Variants in ENG observed in about 807,000 individuals in gnomAD.
ENG encodes CD105 antigen.
In ENG, 17 loss-of-function variants were observed where a neutral mutation model predicts 71.0. That is an observed-to-expected ratio of 0.24 (90% CI 0.16 to 0.36). ENG has a LOEUF of 0.36. Among genes scored for constraint, ENG ranks in the 10% least tolerant of loss-of-function variants. The pLI is 1.00. For missense variants in ENG, 749 were observed against 868.3 expected, an observed-to-expected ratio of 0.86 and a Z score of 1.73; for synonymous variants, 360 against 366.9, an observed-to-expected ratio of 0.98 and a Z score of 0.21.
At chr9:127,849,542 T>C (rs1831243628) in intron 1 of ENG, among the ~76,000 whole-genome samples, 1 of 152,030 alleles carries the variant, frequency 6.6e-6, no homozygotes, top group Non-Finnish European at 1.5e-5. Context: ...ATAGGACATA[T>C]TCTAAGTTCT....
At chr9:127,845,935 T>C (rs992412839) in intron 1 of ENG, among the ~76,000 whole-genome samples, 1 of 152,194 alleles carries the variant, frequency 6.6e-6, no homozygotes, top group Non-Finnish European at 1.5e-5. Context: ...CTCAAACTCC[T>C]GAGCTCAAGC....
At chr9:127,816,095 GCCCCAT>G in intron 13 of ENG, 42 bp from the exon 14 acceptor site, 7 of 1,593,352 alleles carry the variant, frequency 4.4e-6, no homozygotes, top group Non-Finnish European at 6.0e-6. Flanking sequence ...CTCTGCCCCT[GCCCCAT>G]CCCCTACCCT....
Position 127,824,250 on chromosome 9 carries a change from G to A in ENG, c.1134+54C>T, listed in dbSNP as rs543428700. On this transcript the variant is annotated intron_variant, in intron 8 of 14. Coordinates refer to ENST00000373203, the MANE Select transcript of ENG (RefSeq NM_001114753.3). ...AGGACCCCAAGAGTCTTGGGCTAGG[G>A]GAGGAACCAGATGTCCATGTCATCC... 1.2e-4 allele frequency: 198 copies of A among 1,613,666 alleles called. No homozygotes were observed. In the East Asian group the frequency reaches 4.2e-3, roughly 35 times the overall value.
chr9:127,846,928 G>A lies in ENG; in HGVS notation c.68-3683C>T, dbSNP rs1475297530. The A allele has an allele frequency of 3.0e-6, 3 of 985,410 alleles. No homozygotes were observed. Among genetic ancestry groups the A allele is most frequent in the African/African-American group, 1.7e-5 (1 of 57,214 alleles). 61.0% of individuals were successfully genotyped at this position (985,410 alleles called of 1,614,324 possible). ...CACAGCACCTCCCAGATTTCCAGAG[G>A]GCTACCTTCAGCACCTTGGAGGATG... On this transcript the variant is annotated intron_variant, in intron 1 of 14. Transcript: ENST00000373203. This position sits in a 1 kb window ranked among gnomAD's most constrained non-coding sequence, Gnocchi z 5.5.
chr9:127,819,083 GC>G (rs1797804352), intron 10 of ENG, among the ~76,000 whole-genome samples: 3 of 151,936 alleles, frequency 2.0e-5, no homozygotes, highest in African/African-American at 7.2e-5. Context: ...GATTACAGGT[GC>G]CCGCCACCAC....
At position 127,836,653 on chromosome 9, in the gene ENG, G is replaced by A. The variant is rs868525419; in HGVS notation, c.219+6441C>T. ...GGCTCAGTCATTAGCCTGTGACCTT[G>A]GACAGTCACTATGCCTCTCTGGGCC... is the stretch of plus-strand genomic sequence containing the variant. On this transcript the variant is annotated intron_variant, in intron 2 of 14. Coordinates refer to ENST00000373203, the MANE Select transcript of ENG (RefSeq NM_001114753.3). The surrounding 1 kb of genome is among the most constrained non-coding windows in gnomAD (Gnocchi z 4.0). 3.3e-5 allele frequency among the ~76,000 whole-genome samples: 5 copies of A among 152,362 alleles called. No individual in the cohort carries two copies. Among genetic ancestry groups the A allele is most frequent in the Middle Eastern group, 3.4e-3 (1 of 294 alleles).
At chr9:127,824,200 C>T (rs992285787) in intron 8 of ENG, 104 bp downstream of exon 8, 38 of 1,537,576 alleles carry the variant, frequency 2.5e-5, no homozygotes, top group Non-Finnish European at 3.1e-5. Context: ...TGCAGAGGGA[C>T]GTGACTTGCC....
rs564392930 is a variant in ENG at position 127,821,355 on chromosome 9, T to C, written c.1135-1318A>G. The C allele has an allele frequency of 4.2e-4, 64 of 151,730 alleles. No homozygotes were observed. In the South Asian group the frequency reaches 0.013, roughly 31 times the overall value. The allele number at this position is 151,730 out of a possible 1,614,324, so 9.4% of individuals were successfully genotyped here. A position where few individuals can be genotyped will look rare whatever the true frequency, so the allele number is the denominator to read the frequency against. On this transcript the variant is annotated intron_variant, in intron 8 of 14. Transcript: ENST00000373203. Reference sequence around the variant, plus strand: ...CTGAGGCACAAGAATCGCTTGAACCTGAGAGGAGGAGGCTGCAGTGAGCCG... The same window carrying C: ...CTGAGGCACAAGAATCGCTTGAACCCGAGAGGAGGAGGCTGCAGTGAGCCG...
Position 127,819,893 on chromosome 9 carries a change from C to G in ENG, c.1272+7G>C. 6.2e-7 allele frequency: 1 copy of G among 1,614,232 alleles called. No individual in the cohort carries two copies. Among genetic ancestry groups the G allele is most frequent in the Non-Finnish European group, 8.5e-7 (1 of 1,180,046 alleles). On this transcript the variant is annotated splice_region_variant and intron_variant, in intron 9 of 14. Coordinates refer to ENST00000373203, the MANE Select transcript of ENG (RefSeq NM_001114753.3). Reference sequence around the variant, plus strand: ...GGTCCTGATACCTTTTTGGCCCCAGCTCTTACCTCATTGCTGATCATACTT... The same window carrying G: ...GGTCCTGATACCTTTTTGGCCCCAGGTCTTACCTCATTGCTGATCATACTT...
At chr9:127,829,303 T>C (rs1043725935) in intron 3 of ENG, among the ~76,000 whole-genome samples, 1 of 152,200 alleles carries the variant, frequency 6.6e-6, no homozygotes, top group African/African-American at 2.4e-5. Context: ...GCCCTTTTCC[T>C]CTGTCTTTAA....
intron 1 of ENG, among the ~76,000 whole-genome samples, chr9:127,851,549 CA>C (rs1369117269): frequency 3.3e-5 from 5 of 151,846 alleles, no homozygotes; most frequent in African/African-American, 1.2e-4. Flanking sequence ...CAAAAGAAAA[CA>C]AAAAAACCCA....
chr9:127,817,902 G>C, intron 12 of ENG: 1 of 634,396 alleles, frequency 1.6e-6, no homozygotes, highest in East Asian at 2.8e-5. Context: ...AGTGGCAGCT[G>C]CATAGTCTGC....
intron 1 of ENG, among the ~76,000 whole-genome samples, chr9:127,848,742 C>A (rs2131928576): frequency 6.6e-6 from 1 of 152,284 alleles, no homozygotes; most frequent in Middle Eastern, 3.4e-3. Flanking sequence ...TCTGCACTCC[C>A]AGCAGACAGT....
intron 1 of ENG, among the ~76,000 whole-genome samples, chr9:127,853,105 C>T (rs1362232290): frequency 6.6e-6 from 1 of 152,176 alleles, no homozygotes; most frequent in Non-Finnish European, 1.5e-5. Flanking sequence ...CGCCCTATCA[C>T]ACCTTACTAG....
intron 8 of ENG, among the ~76,000 whole-genome samples, chr9:127,820,997 A>G (rs1830455540): frequency 6.6e-6 from 1 of 152,210 alleles, no homozygotes; most frequent in Admixed American, 6.5e-5. Flanking sequence ...ACCATGGGAC[A>G]ATGTTGTGGT....
intron 2 of ENG, among the ~76,000 whole-genome samples, chr9:127,830,785 C>T (rs1241572446): frequency 6.6e-6 from 1 of 152,132 alleles, no homozygotes; most frequent in Non-Finnish European, 1.5e-5. Context: ...GCCCCATCGT[C>T]CCCACCACCT....
Position 127,817,150 on chromosome 9 carries a change from A to G in ENG, c.1740T>C (p.Ser580=), listed in dbSNP as rs1198227494. The G allele has an allele frequency of 1.2e-6, 2 of 1,614,218 alleles. No homozygotes were observed. Among genetic ancestry groups the G allele is most frequent in the Non-Finnish European group, 1.7e-6 (2 of 1,180,032 alleles). The change falls in exon 13 of 15, where the codon TCT becomes TCC. Residue 580 remains serine, a splice_region_variant and synonymous_variant. Coordinates refer to ENST00000373203, the MANE Select transcript of ENG (RefSeq NM_001114753.3). ...CCGAGAGACCTGGAGGGAGCTCACCAGACAGGTCAGGGCTGATGATGTTCA... is the reference window on the plus strand; with the variant it reads ...CCGAGAGACCTGGAGGGAGCTCACCGGACAGGTCAGGGCTGATGATGTTCA... ...MRLNIISPDL[S]GCTSKGLVLP...
At chr9:127,817,049 C>T (rs1830338721) in intron 13 of ENG, 100 bp downstream of exon 13, 16 of 1,385,888 alleles carry the variant, frequency 1.2e-5, no homozygotes, top group Non-Finnish European at 1.6e-5. Flanking sequence ...GTCCCCCTTG[C>T]CATGTGCTAT....
At chr9:127,819,328 A>G in intron 10 of ENG, 1 of 437,178 alleles carries the variant, frequency 2.3e-6, no homozygotes, top group East Asian at 4.8e-5. Context: ...TTGGCTGCCC[A>G]GAAGCACCCT....
Sources: allele counts gnomAD v4.1 joint callset (sites outside exome capture counted in the v4.1 genomes callset), GRCh38; gene constraint gnomAD v4.1.1; non-coding constraint Gnocchi (gnomAD v3.1); transcripts MANE v1.5; gene names NCBI Gene and HGNC (gene_info 2026-07-23, HGNC 2026-07-21).